The following ATG5 variants were observed in gnomAD, a reference collection of about 807,000 sequenced individuals.
The protein encoded by ATG5 is autophagy protein 5.
Under a neutral mutation model 36.5 loss-of-function variants are expected in ATG5, and 14 were observed. The observed-to-expected ratio is 0.38, with a 90% CI of 0.25 to 0.60. The LOEUF (loss-of-function observed/expected upper bound fraction) is 0.60. Ranked by LOEUF, ATG5 falls within the 20% of genes least tolerant of loss-of-function variation. The pLI, the probability that ATG5 is intolerant of heterozygous loss-of-function variation, is 0.60. For synonymous variants in ATG5, 95 were observed against 101.5 expected (o/e 0.94, Z 0.38); for missense variants, 195 against 326.7 (o/e 0.60, Z 3.11).
chr6:106,258,547 A>G (rs1430755930), intron 5 of ATG5, among the ~76,000 whole-genome samples: 1 of 152,178 alleles, frequency 6.6e-6, no homozygotes, highest in East Asian at 1.9e-4. Context: ...ATATTGTTTA[A>G]TTTTCACACA....
intron 3 of ATG5, among the ~76,000 whole-genome samples, chr6:106,300,758 T>C (rs971375688): frequency 1.3e-5 from 2 of 152,076 alleles, no homozygotes; most frequent in African/African-American, 4.8e-5. Context: ...ATACAGATTA[T>C]CATCTTCTGG....
At position 106,297,717 on chromosome 6, in the gene ATG5, AACACACACAC is replaced by A. The variant is rs56336702; in HGVS notation, c.237-4621_237-4612del. ...TCTAAATTATTTGCAAAATGACTTA[AACACACACAC>A]ACACACACACACACACACACACACA... On this transcript the variant is annotated intron_variant, in intron 3 of 7. Transcript: ENST00000369076. 9.4e-3 allele frequency among the ~76,000 whole-genome samples: 1,273 copies of A among 135,500 alleles called. 15 individuals are homozygous for A. Among genetic ancestry groups the A allele is most frequent in the African/African-American group, 0.025 (911 of 36,736 alleles). The allele number at this position is 135,500 out of a possible 152,430, so 88.9% of individuals were successfully genotyped here.
rs56150178 is a variant in ATG5 at position 106,299,190 on chromosome 6, C to A, written c.237-6084G>T. 5.1e-3 allele frequency among the ~76,000 whole-genome samples: 777 copies of A among 152,278 alleles called. 3 individuals are homozygous for A. The highest frequency in any genetic ancestry group is 0.017 in the South Asian group (81 of 4,822). On this transcript the variant is annotated intron_variant, in intron 3 of 7. Transcript: ENST00000369076. Reference sequence around the variant, plus strand: ...ATACCAAAATTCGCAGATGCTTAAACCCTTATATTAAATGGCATAGTATTT... The same window carrying A: ...ATACCAAAATTCGCAGATGCTTAAAACCTTATATTAAATGGCATAGTATTT...
chr6:106,198,878 T>C (rs374976557), intron 7 of ATG5, among the ~76,000 whole-genome samples: 20 of 152,010 alleles, frequency 1.3e-4, no homozygotes, highest in African/African-American at 4.3e-4. Flanking sequence ...AAAGAACTTG[T>C]ATCCAGAATA....
chr6:106,231,068 G>C (rs1022283835), intron 6 of ATG5, among the ~76,000 whole-genome samples: 26 of 151,720 alleles, frequency 1.7e-4, no homozygotes, highest in Non-Finnish European at 3.1e-4. Flanking sequence ...GATAGACAAA[G>C]GGGTAAACAA....
At chr6:106,302,781 A>T (rs565965704) in intron 3 of ATG5, among the ~76,000 whole-genome samples, 4 of 152,026 alleles carry the variant, frequency 2.6e-5, no homozygotes, top group African/African-American at 9.6e-5. Context: ...ACACATTTCT[A>T]AAAAAAACTA....
intron 6 of ATG5, among the ~76,000 whole-genome samples, chr6:106,220,277 ACAC>A (rs1268821132): frequency 2.6e-5 from 4 of 152,206 alleles, no homozygotes; most frequent in Non-Finnish European, 5.9e-5. Context: ...TAATCAATGC[ACAC>A]AACAATACGT....
At chr6:106,205,184 G>A (rs1776584367) in intron 6 of ATG5, among the ~76,000 whole-genome samples, 1 of 152,142 alleles carries the variant, frequency 6.6e-6, no homozygotes, top group Admixed American at 6.5e-5. Flanking sequence ...ACTGGTGAGA[G>A]GCTGACTGAA....
intron 7 of ATG5, among the ~76,000 whole-genome samples, chr6:106,190,499 T>C (rs914294456): frequency 5.3e-5 from 8 of 152,222 alleles, no homozygotes; most frequent in Non-Finnish European, 8.8e-5. Context: ...GATGCACATA[T>C]TGCATTTAAT....
chr6:106,280,205 A>G (rs2114602305), intron 4 of ATG5, among the ~76,000 whole-genome samples: 1 of 151,960 alleles, frequency 6.6e-6, no homozygotes, highest in East Asian at 1.9e-4. Context: ...AAGAGTAAAC[A>G]GACACCTACC....
intron 6 of ATG5, among the ~76,000 whole-genome samples, chr6:106,244,768 G>C (rs1248059896): frequency 6.6e-6 from 1 of 152,186 alleles, no homozygotes; most frequent in East Asian, 1.9e-4. Flanking sequence ...ACAGGGCATG[G>C]CAGGCAAATA....
At chr6:106,279,494 A>G (rs1440697847) in intron 5 of ATG5, among the ~76,000 whole-genome samples, 167 bp downstream of exon 5, 1 of 152,200 alleles carries the variant, frequency 6.6e-6, no homozygotes, top group African/African-American at 2.4e-5. Flanking sequence ...ACACCAAAAG[A>G]GCAGAATGTA....
intron 1 of ATG5, among the ~76,000 whole-genome samples, chr6:106,321,169 T>C (rs1348314867): frequency 1.3e-5 from 2 of 152,204 alleles, no homozygotes; most frequent in Admixed American, 6.5e-5. Flanking sequence ...CCCATCCTCT[T>C]TGACTCTCAT....
chr6:106,195,093 C>T (rs1392385203), intron 7 of ATG5, among the ~76,000 whole-genome samples: 2 of 152,114 alleles, frequency 1.3e-5, no homozygotes, highest in African/African-American at 4.8e-5. Context: ...CACAAAAGAG[C>T]TCATCATTAG....
intron 5 of ATG5, among the ~76,000 whole-genome samples, chr6:106,263,599 AAG>A (rs1779112097): frequency 6.6e-6 from 1 of 152,084 alleles, no homozygotes; most frequent in African/African-American, 2.4e-5. Flanking sequence ...CACCTCAAAC[AAG>A]AGAGCTCTGG....
intron 5 of ATG5, among the ~76,000 whole-genome samples, chr6:106,253,042 T>C (rs1027085298): frequency 6.6e-6 from 1 of 152,234 alleles, no homozygotes; most frequent in Non-Finnish European, 1.5e-5. Context: ...ATCAGAGGCT[T>C]TCAAGGTATG....
chr6:106,219,481 A>T (rs1459463622), intron 6 of ATG5, among the ~76,000 whole-genome samples: 1 of 152,224 alleles, frequency 6.6e-6, no homozygotes, highest in Non-Finnish European at 1.5e-5. Context: ...TGTACCAAAC[A>T]TGTACAGGCT....
At chr6:106,213,553 G>C (rs1776933632) in intron 6 of ATG5, among the ~76,000 whole-genome samples, 2 of 152,106 alleles carry the variant, frequency 1.3e-5, no homozygotes, top group African/African-American at 2.4e-5. Context: ...AATAGAGAAA[G>C]AGATAAAGTC....
intron 5 of ATG5, among the ~76,000 whole-genome samples, chr6:106,264,949 C>A (rs563533223): frequency 7.9e-5 from 12 of 152,074 alleles, no homozygotes; most frequent in African/African-American, 1.9e-4. Context: ...GGCAAAAAAA[C>A]CAGCTAGTAT....
Sources: allele counts gnomAD v4.1 joint callset (sites outside exome capture counted in the v4.1 genomes callset), GRCh38; gene constraint gnomAD v4.1.1; transcripts MANE v1.5; gene names NCBI Gene and HGNC (gene_info 2026-07-23, HGNC 2026-07-21).